The following SPON1 variants were observed in gnomAD, a reference collection of about 807,000 sequenced individuals.
SPON1 encodes the protein spondin 1, also known as spondin-1.
A neutral mutation model predicts 111.7 loss-of-function variants in SPON1; 52 were observed. That is an observed-to-expected ratio of 0.47 (90% CI 0.37 to 0.59). SPON1 has a LOEUF of 0.59. Among genes scored for constraint, SPON1 ranks in the 20% least tolerant of loss-of-function variants. The pLI is 0.00. For missense variants in SPON1, 957 were observed against 1,068.5 expected (o/e 0.90, Z 1.46); for synonymous variants, 410 against 395.8 (o/e 1.04, Z -0.43).
chr11:14,172,048 G>T (rs1369857742), intron 6 of SPON1, among the ~76,000 whole-genome samples: 2 of 152,172 alleles, frequency 1.3e-5, no homozygotes, highest in Non-Finnish European at 2.9e-5. Flanking sequence ...GGATATCCTT[G>T]TTAACTTTCT....
intron 6 of SPON1, among the ~76,000 whole-genome samples, chr11:14,231,534 C>T (rs887418105): frequency 6.6e-6 from 1 of 152,074 alleles, no homozygotes; most frequent in Non-Finnish European, 1.5e-5. Context: ...TTGCTTGCTC[C>T]CTGGTTACCT....
In SPON1 at chr11:14,262,929, G is replaced by A. The variant is rs782194108; in HGVS notation, c.2214G>A (p.Arg738=). 1 of 1,613,744 alleles carries A rather than the reference G, an allele frequency of 6.2e-7. No individual in the cohort carries two copies. Among genetic ancestry groups the A allele is most frequent in the South Asian group, 1.1e-5 (1 of 91,052 alleles). The change falls in exon 15 of 16, where the codon CGG becomes CGA. Residue 738 remains arginine, a synonymous_variant. Transcript: ENST00000576479. Reference sequence around the variant, plus strand: ...GCTGGAGGGAGGCCCGAGAGAGCCGGCGGAGTGAGCAGCTGAAGGAAGAGT... The same window carrying A: ...GCTGGAGGGAGGCCCGAGAGAGCCGACGGAGTGAGCAGCTGAAGGAAGAGT... ...KLRWREARES[R]RSEQLKEESE... is the part of the protein sequence containing the mutation.
At chr11:14,012,425 C>T (rs188734008) in intron 2 of SPON1, among the ~76,000 whole-genome samples, 1 of 152,202 alleles carries the variant, frequency 6.6e-6, no homozygotes, top group East Asian at 1.9e-4. Context: ...ATTGGAGAAC[C>T]AGATTAACAC....
intron 3 of SPON1, among the ~76,000 whole-genome samples, chr11:14,053,039 A>G (rs1848719434): frequency 1.3e-5 from 2 of 152,200 alleles, no homozygotes; most frequent in African/African-American, 4.8e-5. Context: ...ACTAGTTCCA[A>G]TCCTCTTCCA....
intron 6 of SPON1, among the ~76,000 whole-genome samples, chr11:14,179,304 G>C (rs1325911672): frequency 6.6e-6 from 1 of 152,154 alleles, no homozygotes; most frequent in Non-Finnish European, 1.5e-5. Context: ...CCACATAAAA[G>C]GGTCAAGAAT....
At chr11:14,155,497 T>TTTTTA (rs71041576) in intron 6 of SPON1, among the ~76,000 whole-genome samples, 59,276 of 149,694 alleles carry the variant, frequency 0.4, 11,921 homozygotes, top group East Asian at 0.54. Flanking sequence ...TTTTTATTTA[T>TTTTTA]TTTTATTTTA....
In SPON1 at chr11:13,962,789, C is replaced by G. The variant is rs1481350392; in HGVS notation, c.-116C>G. The G allele has an allele frequency of 9.9e-7, 1 of 1,006,454 alleles. No homozygotes were observed. The highest frequency in any genetic ancestry group is 3.6e-5 in the Admixed American group (1 of 27,512). The allele number at this position is 1,006,454 out of a possible 1,614,324, so 62.3% of individuals were successfully genotyped here. A position where few individuals can be genotyped will look rare whatever the true frequency, so the allele number is the denominator to read the frequency against. ...GGTCTCCGAGTCGCGGACGCCAGCT[C>G]CGAGCTCCCTCTCTCCGCCGCGCCT... On this transcript the variant is annotated 5_prime_UTR_variant, in exon 1 of 16. Coordinates refer to ENST00000576479, the MANE Select transcript of SPON1 (RefSeq NM_006108.4).
At chr11:14,037,000 G>C (rs1483478988) in intron 2 of SPON1, among the ~76,000 whole-genome samples, 1 of 152,156 alleles carries the variant, frequency 6.6e-6, no homozygotes, top group African/African-American at 2.4e-5. Context: ...GAGGTGAAGG[G>C]AAGACAGTAA....
intron 6 of SPON1, among the ~76,000 whole-genome samples, chr11:14,154,610 A>G (rs191609318): frequency 1.3e-5 from 2 of 152,368 alleles, no homozygotes; most frequent in East Asian, 3.9e-4. Context: ...GGTTTCTGAA[A>G]TGCCTTACAG....
chr11:13,992,639 T>A (rs1054221770), intron 2 of SPON1, among the ~76,000 whole-genome samples: 23 of 152,280 alleles, frequency 1.5e-4, no homozygotes, highest in African/African-American at 4.8e-4. Context: ...TAGTTCAGTA[T>A]CTGCCCAAAT....
At chr11:14,144,171 C>CA (rs1250549157) in intron 6 of SPON1, among the ~76,000 whole-genome samples, 5 of 151,968 alleles carry the variant, frequency 3.3e-5, no homozygotes, top group Non-Finnish European at 7.4e-5. Flanking sequence ...ATTATTGCAA[C>CA]AAAAAAATTA....
intron 6 of SPON1, among the ~76,000 whole-genome samples, chr11:14,226,218 G>A (rs147245563): frequency 2.6e-5 from 4 of 152,254 alleles, no homozygotes; most frequent in East Asian, 1.9e-4. Flanking sequence ...CAAGCTCTTC[G>A]GACTTGAATA....
chr11:14,256,809 T>A, intron 10 of SPON1, 117 bp downstream of exon 10: 3 of 754,670 alleles, frequency 4.0e-6, no homozygotes, highest in Non-Finnish European at 6.6e-6. Flanking sequence ...GGTAATCATA[T>A]CTCTGAGGAT....
chr11:14,019,979 G>A (rs2133803137), intron 2 of SPON1, among the ~76,000 whole-genome samples: 1 of 152,268 alleles, frequency 6.6e-6, no homozygotes, highest in South Asian at 2.1e-4. Context: ...AGGTCACATG[G>A]TCACCTGAAA....
intron 4 of SPON1, among the ~76,000 whole-genome samples, chr11:14,078,685 C>T (rs887289958): frequency 3.3e-5 from 5 of 152,112 alleles, no homozygotes; most frequent in Non-Finnish European, 7.3e-5. Context: ...TAATCTGCTT[C>T]AATTTACTGA....
intron 5 of SPON1, among the ~76,000 whole-genome samples, chr11:14,096,020 A>T (rs16913624): frequency 0.12 from 17,572 of 152,250 alleles, 1,191 homozygotes; most frequent in African/African-American, 0.17. Flanking sequence ...AGGCTGAGTC[A>T]CAAATATAGG....
At chr11:14,091,700 C>T (rs1554923413) in intron 5 of SPON1, among the ~76,000 whole-genome samples, 1 of 152,096 alleles carries the variant, frequency 6.6e-6, no homozygotes. Flanking sequence ...GGTTCTCGCT[C>T]GCACCTTTCC....
At chr11:13,995,933 G>GA (rs781974556) in intron 2 of SPON1, among the ~76,000 whole-genome samples, 10 of 152,214 alleles carry the variant, frequency 6.6e-5, no homozygotes, top group Non-Finnish European at 1.2e-4. Flanking sequence ...ATCATTTGCA[G>GA]AAAGTGGGTA....
At chr11:14,093,949 C>T (rs1281211373) in intron 5 of SPON1, among the ~76,000 whole-genome samples, 4 of 152,128 alleles carry the variant, frequency 2.6e-5, no homozygotes, top group Non-Finnish European at 4.4e-5. Flanking sequence ...ATGGTGGTCA[C>T]GCCTATGATC....
Sources: gnomAD v4.1 joint callset for allele counts (sites outside exome capture counted in the v4.1 genomes callset) on GRCh38, gnomAD v4.1.1 for gene constraint, MANE v1.5 for transcripts, NCBI Gene and HGNC (gene_info 2026-07-23, HGNC 2026-07-21) for gene names.